Variants in NEDD4L observed in about 807,000 individuals in gnomAD.
The protein encoded by NEDD4L is NEDD4 like E3 ubiquitin protein ligase.
Under a neutral mutation model 148.9 loss-of-function variants are expected in NEDD4L, and 54 were observed. The observed-to-expected ratio is 0.36, with a 90% confidence interval of 0.29 to 0.45. NEDD4L has a LOEUF of 0.45. NEDD4L is among the 20% of genes least tolerant of loss of function. The probability of loss-of-function intolerance (pLI) is 1.00; values close to 1 mark genes in which losing one functional copy is unlikely to be tolerated. For synonymous variants in NEDD4L, 433 were observed against 440.7 expected, an observed-to-expected ratio of 0.98 and a Z score of 0.22; for missense variants, 856 against 1,233.8, an observed-to-expected ratio of 0.69 and a Z score of 4.59.
At chr18:58,179,115 A>G (rs141741673) in intron 2 of NEDD4L, among the ~76,000 whole-genome samples, 75 of 152,328 alleles carry the variant, frequency 4.9e-4, no homozygotes, top group Non-Finnish European at 6.5e-4. Context: ...TTTAAACATT[A>G]TTTAGCAAAT....
intron 5 of NEDD4L, among the ~76,000 whole-genome samples, chr18:58,287,666 G>A (rs190671514): frequency 2.0e-5 from 3 of 152,260 alleles, no homozygotes; most frequent in Admixed American, 1.3e-4. Context: ...GTCTTATCAC[G>A]CATATTTCCC....
At chr18:58,344,444 A>G (rs2042803388) in intron 16 of NEDD4L, among the ~76,000 whole-genome samples, 1 of 152,194 alleles carries the variant, frequency 6.6e-6, no homozygotes, top group South Asian at 2.1e-4. Context: ...CCACCCCAAC[A>G]TAGTGATGAC....
intron 6 of NEDD4L, among the ~76,000 whole-genome samples, chr18:58,321,438 A>G (rs2058761936): frequency 1.3e-5 from 2 of 152,344 alleles, no homozygotes; most frequent in Middle Eastern, 3.4e-3. Context: ...TTGGGAGTAC[A>G]AGGAAGGAAG....
In NEDD4L at chr18:58,397,496, T is replaced by A. The variant is rs1038236382; in HGVS notation, c.*1227T>A. ...TAAAGCTGAGCCTACAGACCTGTCCTCACCAACTGTTTTGTGATTTCTACT... is the reference window on the plus strand; with the variant it reads ...TAAAGCTGAGCCTACAGACCTGTCCACACCAACTGTTTTGTGATTTCTACT... On this transcript the variant is annotated 3_prime_UTR_variant, in exon 31 of 31. Transcript: ENST00000400345. 1 of 152,280 alleles carries A rather than the reference T, an allele frequency of 6.6e-6. No individual in the cohort carries two copies. Among genetic ancestry groups the A allele is most frequent in the African/African-American group, 2.4e-5 (1 of 41,460 alleles). The allele number at this position is 152,280 out of a possible 1,614,324, so 9.4% of individuals were successfully genotyped here. A position where few individuals can be genotyped will look rare whatever the true frequency, so the allele number is the denominator to read the frequency against.
chr18:58,205,344 A>G (rs1175740314), intron 2 of NEDD4L, among the ~76,000 whole-genome samples: 1 of 152,260 alleles, frequency 6.6e-6, no homozygotes, highest in Non-Finnish European at 1.5e-5. Context: ...CAAGAGATTA[A>G]AGAAAGGTAA....
intron 13 of NEDD4L, among the ~76,000 whole-genome samples, chr18:58,336,318 C>G (rs751836692): frequency 2.0e-5 from 3 of 152,278 alleles, no homozygotes; most frequent in Non-Finnish European, 4.4e-5. Flanking sequence ...TGGCTCACGC[C>G]TGTAATCCCA....
chr18:58,174,083 T>G (rs576575156), intron 2 of NEDD4L, among the ~76,000 whole-genome samples: 20 of 152,140 alleles, frequency 1.3e-4, no homozygotes, highest in African/African-American at 4.6e-4. Flanking sequence ...CCCGAGTTCT[T>G]GCATGGCACC....
chr18:58,218,850 T>C (rs2043426660), intron 2 of NEDD4L, among the ~76,000 whole-genome samples: 1 of 152,190 alleles, frequency 6.6e-6, no homozygotes. Flanking sequence ...GCAGTTTTCA[T>C]TTTGGGACAC....
chr18:58,316,009 G>T lies in NEDD4L; in HGVS notation c.325G>T (p.Asp109Tyr), dbSNP rs1228729549. Residue 109 changes from aspartate to tyrosine, a missense_variant, in exon 6 of 31, where the codon GAC becomes TAC. Physicochemically the swap from Asp to Tyr is radical, Grantham distance 160. Coordinates refer to ENST00000400345, the MANE Select transcript of NEDD4L (RefSeq NM_001144967.3). ...ACGAGACGACTTCCTGGGCCAGGTG[G>T]ACGTGCCCCTTAGTCACCTTCCGGT... ...LTRDDFLGQV[D>Y]VPLSHLPTED... The T allele has an allele frequency of 1.2e-6, 2 of 1,613,802 alleles. No homozygotes were observed.
chr18:58,385,708 C>T, intron 26 of NEDD4L, 122 bp downstream of exon 26: 1 of 784,726 alleles, frequency 1.3e-6, no homozygotes, highest in Non-Finnish European at 2.2e-6. Context: ...GCTGGGGACC[C>T]TGCAGGAAGA....
intron 1 of NEDD4L, among the ~76,000 whole-genome samples, chr18:58,118,145 C>A (rs1426866693): frequency 2.6e-5 from 4 of 152,266 alleles, no homozygotes; most frequent in African/African-American, 9.6e-5. Context: ...TTAGAGTGAA[C>A]CTTAACCTGT....
intron 2 of NEDD4L, chr18:58,221,827 T>A (rs1285393721): frequency 1.6e-6 from 1 of 631,226 alleles, no homozygotes; most frequent in Non-Finnish European, 2.0e-6. Flanking sequence ...GTGAGTTTGA[T>A]GTTGGTTTAA....
intron 4 of NEDD4L, among the ~76,000 whole-genome samples, chr18:58,249,816 C>T (rs1002083575): frequency 6.6e-6 from 1 of 152,236 alleles, no homozygotes; most frequent in Non-Finnish European, 1.5e-5. Flanking sequence ...CATACAGCAT[C>T]TGCTTTCCAT....
intron 5 of NEDD4L, among the ~76,000 whole-genome samples, chr18:58,270,179 G>T (rs539419847): frequency 6.6e-6 from 1 of 152,194 alleles, no homozygotes; most frequent in African/African-American, 2.4e-5. Flanking sequence ...ATAACTCCAC[G>T]TCTTGAAAGT....
intron 1 of NEDD4L, among the ~76,000 whole-genome samples, chr18:58,117,029 A>G (rs1400891047): frequency 6.6e-6 from 1 of 152,254 alleles, no homozygotes; most frequent in Admixed American, 6.5e-5. Context: ...GGAGTAAGAA[A>G]GCGGCAGCTC....
rs1347550161 is a variant in NEDD4L, at chr18:58,389,178, C to G, written c.2641C>G (p.Gln881Glu). ...NGYCPNHPVI[Q>E]WFWKAVLLMD... Reference sequence around the variant, plus strand: ...CTACTGCCCAAACCACCCCGTCATTCAGTGGTTCTGGAAGGTAACTCCGGG... The same window carrying G: ...CTACTGCCCAAACCACCCCGTCATTGAGTGGTTCTGGAAGGTAACTCCGGG... The change falls in exon 28 of 31, where the codon CAG becomes GAG. Residue 881 changes from glutamine (Q) to glutamate (E), a missense_variant. Transcript: ENST00000400345. 2 of 1,613,126 alleles carry G rather than the reference C, an allele frequency of 1.2e-6. No individual in the cohort carries two copies.
At chr18:58,275,277 C>T (rs1421811545) in intron 5 of NEDD4L, among the ~76,000 whole-genome samples, 2 of 152,148 alleles carry the variant, frequency 1.3e-5, no homozygotes, top group African/African-American at 4.8e-5. Context: ...AGTCTACATC[C>T]TCACTGTCCT....
intron 5 of NEDD4L, among the ~76,000 whole-genome samples, chr18:58,290,431 G>A (rs1328338888): frequency 4.8e-5 from 4 of 82,630 alleles, no homozygotes; most frequent in South Asian, 5.7e-4. Flanking sequence ...TCATTTGCTT[G>A]ATGCTATTGG....
intron 25 of NEDD4L, among the ~76,000 whole-genome samples, chr18:58,384,326 A>G (rs942900600): frequency 3.9e-5 from 6 of 152,188 alleles, no homozygotes; most frequent in African/African-American, 1.4e-4. Context: ...TTCACTCTCA[A>G]GTTGAAAGCT....
Sources: gnomAD v4.1 joint callset for allele counts (sites outside exome capture counted in the v4.1 genomes callset) on GRCh38, gnomAD v4.1.1 for gene constraint, MANE v1.5 for transcripts, NCBI Gene and HGNC (gene_info 2026-07-23, HGNC 2026-07-21) for gene names.